The following NUDT1 variants were observed in gnomAD, a reference collection of about 807,000 sequenced individuals.
The protein encoded by NUDT1 is nudix hydrolase 1, also known as oxidized purine nucleoside triphosphate hydrolase.
NUDT1 carries 16 observed loss-of-function variants against 11.3 expected under a neutral mutation model. The ratio of observed to expected loss-of-function variants is 1.41; its 90% CI spans 0.96 to 2.15. NUDT1 has a LOEUF of 2.15. Ranked by LOEUF, NUDT1 falls within the 30% of genes most tolerant of loss-of-function variation. The pLI is 0.00. For missense variants in NUDT1, 234 were observed against 208.4 expected, an observed-to-expected ratio of 1.12 and a Z score of -0.76; for synonymous variants, 101 against 84.4, an observed-to-expected ratio of 1.20 and a Z score of -1.08.
chr7:2,249,049 A>G (rs1794876810), intron 2 of NUDT1, among the ~76,000 whole-genome samples: 1 of 152,226 alleles, frequency 6.6e-6, no homozygotes, highest in Admixed American at 6.5e-5. Flanking sequence ...ACAGCGTTAG[A>G]CTACTTCGGG....
At chr7:2,250,105 G>A (rs1209865286) in intron 3 of NUDT1, 103 bp downstream of exon 3, 13 of 1,464,736 alleles carry the variant, frequency 8.9e-6, no homozygotes, top group Non-Finnish European at 1.2e-5. Context: ...CCAGGGACCG[G>A]GCAGCCTGCG....
intron 1 of NUDT1, 196 bp downstream of exon 1, chr7:2,242,452 A>G: frequency 2.0e-6 from 1 of 492,466 alleles, no homozygotes; most frequent in South Asian, 3.0e-5. Flanking sequence ...TTTGGGAGAG[A>G]GACAAGGAGA....
In NUDT1 at chr7:2,242,235, G is replaced by GC; in HGVS notation, c.-29dup. The GC allele has an allele frequency of 1.4e-6, 2 of 1,480,662 alleles. No individual in the cohort carries two copies. Among genetic ancestry groups the GC allele is most frequent in the Non-Finnish European group, 1.8e-6 (2 of 1,113,678 alleles). 91.7% of individuals were successfully genotyped at this position (1,480,662 alleles called of 1,614,324 possible). A position where few individuals can be genotyped will look rare whatever the true frequency, so the allele number is the denominator to read the frequency against. On this transcript the variant is annotated 5_prime_UTR_variant, in exon 1 of 4. Transcript: ENST00000356714. ...GGCCTCACTTCCGGTCAGAGGCCAC[G>GC]CCCCCGGAAGCGGCGGTGCAGGTAC...
At chr7:2,249,311 AGAG>A (rs1794887522) in intron 2 of NUDT1, 1 of 165,750 alleles carries the variant, frequency 6.0e-6, no homozygotes. Context: ...CTGTGTTCTC[AGAG>A]AAGAGGCACC....
chr7:2,250,634 AT>A (rs1193126820), intron 3 of NUDT1, among the ~76,000 whole-genome samples, 194 bp from the exon 4 acceptor site: 1 of 150,420 alleles, frequency 6.6e-6, no homozygotes, highest in Non-Finnish European at 1.5e-5. Context: ...ATTTTTTTGT[AT>A]TTTTAGTAGA....
chr7:2,242,967 G>T, intron 1 of NUDT1: 1 of 715,790 alleles, frequency 1.4e-6, no homozygotes, highest in South Asian at 1.5e-5. Flanking sequence ...TCACACGGCG[G>T]CTTGGAGAGT....
At chr7:2,242,461 G>T in intron 1 of NUDT1, 1 of 493,370 alleles carries the variant, frequency 2.0e-6, no homozygotes, top group Non-Finnish European at 3.6e-6. Context: ...GAGACAAGGA[G>T]AGCGGGGCGG....
Position 2,244,715 on chromosome 7 carries a change from T to C in NUDT1, c.141T>C (p.Asp47=). The change falls in exon 2 of 4, where the codon GAT becomes GAC. Residue 47 remains aspartate (D), a synonymous_variant. Transcript: ENST00000356714. The part of the protein sequence containing the change: ...GKVQEGETIE[D]GARRELQEES... ...TGCAAGAAGGAGAGACCATCGAGGATGGGGCTAGGAGGTAAGGATGGGGCA... is the reference window on the plus strand; with the variant it reads ...TGCAAGAAGGAGAGACCATCGAGGACGGGGCTAGGAGGTAAGGATGGGGCA... 1 of 1,610,554 alleles carries C rather than the reference T, an allele frequency of 6.2e-7. No homozygotes were observed. The highest frequency in any genetic ancestry group is 1.1e-5 in the South Asian group (1 of 90,420).
rs1475876273 is a variant in NUDT1 at position 2,250,992 on chromosome 7, C to T, written c.462C>T (p.Asp154=). 6 of 1,613,806 alleles carry T rather than the reference C, an allele frequency of 3.7e-6. No homozygotes were observed. Among genetic ancestry groups the T allele is most frequent in the Non-Finnish European group, 4.2e-6 (5 of 1,179,942 alleles). The change falls in exon 4 of 4, where the codon GAC becomes GAT. Residue 154 remains aspartate, a synonymous_variant. Transcript: ENST00000356714. ...TGGACTACACACTCCGCGAGGTGGA[C>T]ACGGTCTAGCGGGAGCCCAGGGCAG... ...TILDYTLREV[D]TV
At chr7:2,246,863 C>T (rs1455048355) in intron 2 of NUDT1, among the ~76,000 whole-genome samples, 3 of 152,132 alleles carry the variant, frequency 2.0e-5, no homozygotes, top group East Asian at 1.9e-4. Flanking sequence ...GGGATCCACC[C>T]GCCTCGGCTT....
At chr7:2,250,768 T>C in intron 3 of NUDT1, 61 bp from the exon 4 acceptor site, 1 of 1,607,010 alleles carries the variant, frequency 6.2e-7, no homozygotes, top group South Asian at 1.1e-5. Flanking sequence ...AAAAAAAACA[T>C]GTTTTTTAAG....
chr7:2,247,575 C>G (rs912799601), intron 2 of NUDT1, among the ~76,000 whole-genome samples: 1 of 152,240 alleles, frequency 6.6e-6, no homozygotes, highest in African/African-American at 2.4e-5. Context: ...CACCTCCCCA[C>G]GCCACGGACG....
intron 3 of NUDT1, among the ~76,000 whole-genome samples, chr7:2,250,281 A>T (rs1451623493): frequency 6.6e-6 from 1 of 151,306 alleles, no homozygotes; most frequent in African/African-American, 2.5e-5. Flanking sequence ...CACTCAGTGA[A>T]CTCCTCAGAG....
intron 1 of NUDT1, 112 bp from the exon 2 acceptor site, chr7:2,244,451 T>TG: frequency 4.1e-6 from 4 of 981,626 alleles, no homozygotes; most frequent in Non-Finnish European, 5.9e-6. Flanking sequence ...AGTTACAGCA[T>TG]ACCCCCCCGC....
chr7:2,245,367 G>A (rs1428504587), intron 2 of NUDT1, among the ~76,000 whole-genome samples: 2 of 152,178 alleles, frequency 1.3e-5, no homozygotes, highest in Admixed American at 6.5e-5. Flanking sequence ...AGCTTGCCTG[G>A]AGAGGAGAAC....
intron 2 of NUDT1, chr7:2,249,163 C>G (rs1285735120): frequency 6.5e-6 from 1 of 152,870 alleles, no homozygotes; most frequent in Non-Finnish European, 1.5e-5. Context: ...CTCCTCCAGG[C>G]ACAGCTGTGG....
rs749373545 is a variant in NUDT1, at chr7:2,249,952, T to C, written c.248T>C (p.Val83Ala). 1 of 1,614,174 alleles carries C rather than the reference T, an allele frequency of 6.2e-7. No homozygotes were observed. Among genetic ancestry groups the C allele is most frequent in the Admixed American group, 1.7e-5 (1 of 60,036 alleles). Residue 83 changes from valine (V) to alanine (A), a missense_variant, in exon 3 of 4, where the codon GTG becomes GCG. Physicochemically the swap from Val to Ala is moderately conservative, Grantham distance 64. Coordinates refer to ENST00000356714, the MANE Select transcript of NUDT1 (RefSeq NM_002452.4). ...EFVGEPELMD[V>A]HVFCTDSIQG... The stretch of plus-strand genomic sequence containing the variant: ...GTGGGCGAGCCTGAGCTCATGGACG[T>C]GCATGTCTTCTGCACAGACAGCATC...
chr7:2,242,560 A>C (rs1794590059), intron 1 of NUDT1: 1 of 356,968 alleles, frequency 2.8e-6, no homozygotes, highest in African/African-American at 2.1e-5. Flanking sequence ...GGGACAAAGT[A>C]CACGGGCCTG....
intron 2 of NUDT1, chr7:2,247,945 G>A (rs1244481039): frequency 2.0e-5 from 3 of 152,212 alleles, no homozygotes; most frequent in Non-Finnish European, 4.4e-5. Context: ...AGAAGCACAC[G>A]TTCACTTTGT....
Sources: allele counts gnomAD v4.1 joint callset (sites outside exome capture counted in the v4.1 genomes callset), GRCh38; gene constraint gnomAD v4.1.1; transcripts MANE v1.5; gene names NCBI Gene and HGNC (gene_info 2026-07-23, HGNC 2026-07-21).